The following TCF4 variants were observed in gnomAD, a reference collection of about 807,000 sequenced individuals.
TCF4 encodes the protein SL3-3 enhancer factor 2.
In TCF4, 3 loss-of-function variants were observed where a neutral mutation model predicts 82.1. The ratio of observed to expected loss-of-function variants is 0.04; its 90% CI spans 0.02 to 0.09. The LOEUF (loss-of-function observed/expected upper bound fraction) is 0.09. Ranked by LOEUF, TCF4 falls within the 10% of genes least tolerant of loss-of-function variation. The pLI is 1.00. For missense variants in TCF4, 518 were observed against 852.7 expected, an observed-to-expected ratio of 0.61 and a Z score of 4.89; for synonymous variants, 276 against 309.6, an observed-to-expected ratio of 0.89 and a Z score of 1.14.
intron 6 of TCF4, among the ~76,000 whole-genome samples, chr18:55,389,740 G>A (rs2146101319): frequency 1.3e-5 from 2 of 152,256 alleles, no homozygotes; most frequent in Middle Eastern, 3.4e-3. Flanking sequence ...AAGGAACAAT[G>A]TTTTGTGGAG....
intron 3 of TCF4, among the ~76,000 whole-genome samples, chr18:55,578,492 A>T (rs1391526689): frequency 6.6e-6 from 1 of 152,116 alleles, no homozygotes; most frequent in Non-Finnish European, 1.5e-5. Context: ...AAATTTCCAT[A>T]AATTATTTAC....
chr18:55,491,872 G>A (rs2096580431), intron 3 of TCF4, among the ~76,000 whole-genome samples: 1 of 152,150 alleles, frequency 6.6e-6, no homozygotes, highest in South Asian at 2.1e-4. Context: ...TAAACAGAAT[G>A]ACAAAGCAGT....
At chr18:55,228,588 A>C (rs1379505957) in intron 18 of TCF4, among the ~76,000 whole-genome samples, 1 of 152,250 alleles carries the variant, frequency 6.6e-6, no homozygotes, top group East Asian at 1.9e-4. Flanking sequence ...TGGTAAAGCA[A>C]ATAAACTAAG....
chr18:55,241,055 G>A (rs947474078), intron 15 of TCF4, among the ~76,000 whole-genome samples: 1 of 152,190 alleles, frequency 6.6e-6, no homozygotes, highest in Non-Finnish European at 1.5e-5. Flanking sequence ...ATTTAAACAT[G>A]ATCTAAATGA....
In TCF4 at chr18:55,280,900, CAG is replaced by C. The variant is rs566684765; in HGVS notation, c.550-1246_550-1245del. On this transcript the variant is annotated intron_variant, in intron 8 of 19. Transcript: ENST00000354452. ...TAGGATTTCACAAAGGATAGGTCCA[CAG>C]AGACAGATGTGGGAAAATATGCATC... 2.1e-4 allele frequency among the ~76,000 whole-genome samples: 32 copies of C among 152,092 alleles called. 1 individual carries two copies. The South Asian group carries it at 5.4e-3, about 26-fold the overall frequency.
At chr18:55,621,368 T>A (rs2097717874) in intron 2 of TCF4, among the ~76,000 whole-genome samples, 1 of 131,956 alleles carries the variant, frequency 7.6e-6, no homozygotes, top group East Asian at 2.0e-4. Flanking sequence ...GATACTTTCT[T>A]TAAACTTATG....
chr18:55,369,461 TG>T (rs1350994359), intron 6 of TCF4, among the ~76,000 whole-genome samples: 2 of 152,340 alleles, frequency 1.3e-5, no homozygotes, highest in East Asian at 3.9e-4. Context: ...TGTGTCCCTT[TG>T]GCCCCTGTGC....
intron 8 of TCF4, among the ~76,000 whole-genome samples, chr18:55,292,680 C>A (rs1316602944): frequency 1.4e-5 from 2 of 142,922 alleles, no homozygotes; most frequent in Non-Finnish European, 3.0e-5. Context: ...ACTTCCTAAT[C>A]TATAAATAGA....
intron 3 of TCF4, among the ~76,000 whole-genome samples, chr18:55,509,861 AT>A (rs1043214335): frequency 2.6e-5 from 4 of 152,156 alleles, no homozygotes; most frequent in Non-Finnish European, 4.4e-5. Flanking sequence ...AGCCAGGGAA[AT>A]TCCTTTGATA....
chr18:55,635,575 G>A, intron 1 of TCF4: 1 of 1,201,228 alleles, frequency 8.3e-7, no homozygotes, highest in Non-Finnish European at 1.1e-6. Flanking sequence ...CAAGTGCTGT[G>A]GAGATGTCAG....
intron 3 of TCF4, among the ~76,000 whole-genome samples, chr18:55,571,256 T>C (rs1348001589): frequency 6.6e-5 from 10 of 152,206 alleles, no homozygotes; most frequent in African/African-American, 1.9e-4. Flanking sequence ...TGCAACAACA[T>C]GGACAATAAC....
At chr18:55,415,905 TTC>T (rs1412256433) in intron 5 of TCF4, among the ~76,000 whole-genome samples, 1 of 152,256 alleles carries the variant, frequency 6.6e-6, no homozygotes, top group African/African-American at 2.4e-5. Context: ...GTATGTATAT[TTC>T]TGTGTGTCTT....
chr18:55,480,680 T>C (rs1437705322), intron 3 of TCF4, among the ~76,000 whole-genome samples: 2 of 152,210 alleles, frequency 1.3e-5, no homozygotes, highest in African/African-American at 2.4e-5. Flanking sequence ...CCGGTCTCTT[T>C]ATTGATTCAG....
intron 3 of TCF4, among the ~76,000 whole-genome samples, chr18:55,572,977 C>T (rs1485586034): frequency 1.3e-5 from 2 of 151,618 alleles, no homozygotes; most frequent in Non-Finnish European, 2.9e-5. Flanking sequence ...CACTTGAACT[C>T]GGGAGGCAGA....
intron 3 of TCF4, among the ~76,000 whole-genome samples, chr18:55,540,057 G>C (rs1362568161): frequency 6.7e-6 from 1 of 148,936 alleles, no homozygotes; most frequent in African/African-American, 2.4e-5. Context: ...AAAAAAAAAA[G>C]TAGACTATAT....
At chr18:55,546,003 A>G (rs555704284) in intron 3 of TCF4, among the ~76,000 whole-genome samples, 2 of 152,308 alleles carry the variant, frequency 1.3e-5, no homozygotes, top group African/African-American at 4.8e-5. Flanking sequence ...AAAATCCAAC[A>G]TGACCTCCTA....
intron 3 of TCF4, among the ~76,000 whole-genome samples, chr18:55,562,862 G>C (rs1043881701): frequency 6.6e-6 from 1 of 152,074 alleles, no homozygotes; most frequent in African/African-American, 2.4e-5. Context: ...ACCAGAGATA[G>C]GTAGATAGAC....
chr18:55,567,277 C>T lies in TCF4; in HGVS notation c.145+18003G>A, dbSNP rs185396749. Reference sequence around the variant, plus strand: ...AAACTGAATAAAGGGTTTAATTAACCAGGAAAATATAGTAATTCTTAAAAT... The same window carrying T: ...AAACTGAATAAAGGGTTTAATTAACTAGGAAAATATAGTAATTCTTAAAAT... On this transcript the variant is annotated intron_variant, in intron 3 of 19. Transcript: ENST00000354452. 1.6e-3 allele frequency among the ~76,000 whole-genome samples: 247 copies of T among 152,008 alleles called. 2 individuals carry two copies. Among genetic ancestry groups the T allele is most frequent in the Admixed American group, 3.5e-3 (54 of 15,258 alleles).
intron 15 of TCF4, among the ~76,000 whole-genome samples, chr18:55,251,930 G>GTTTTT (rs199695068): frequency 0.089 from 8,965 of 100,242 alleles, 398 homozygotes; most frequent in African/African-American, 0.12. Context: ...GGGGGATGAG[G>GTTTTT]TTTTTTTTTT....
Sources: allele counts gnomAD v4.1 joint callset (sites outside exome capture counted in the v4.1 genomes callset), GRCh38; gene constraint gnomAD v4.1.1; transcripts MANE v1.5; gene names NCBI Gene and HGNC (gene_info 2026-07-23, HGNC 2026-07-21).